AGMO: variants seen among roughly 807,000 people sequenced by gnomAD.
The protein encoded by AGMO is alkylglycerol monooxygenase, also known as glyceryl-ether monooxygenase.
A neutral mutation model predicts 60.2 loss-of-function variants in AGMO; 75 were observed. The ratio of observed to expected loss-of-function variants is 1.25; its 90% confidence interval spans 1.03 to 1.51. The LOEUF (loss-of-function observed/expected upper bound fraction) is 1.51. AGMO is among the 40% of genes most tolerant of loss of function. The probability of loss-of-function intolerance (pLI) is 0.00; values close to 1 mark genes in which losing one functional copy is unlikely to be tolerated. For synonymous variants in AGMO, 261 were observed against 177.1 expected (o/e 1.47, Z -3.76); for missense variants, 763 against 525.5 (o/e 1.45, Z -4.42).
chr7:15,347,194 A>C (rs1266912375), intron 12 of AGMO, among the ~76,000 whole-genome samples: 1 of 152,054 alleles, frequency 6.6e-6, no homozygotes, highest in Non-Finnish European at 1.5e-5. Flanking sequence ...ATTCCTGTTC[A>C]ATTGTATGCA....
At chr7:15,453,540 A>G (rs146175967) in intron 3 of AGMO, among the ~76,000 whole-genome samples, 74 of 152,356 alleles carry the variant, frequency 4.9e-4, no homozygotes, top group African/African-American at 1.8e-3. Context: ...AATTCATTCT[A>G]ACACAGAGCT....
chr7:15,205,737 T>C (rs755555986), intron 12 of AGMO, among the ~76,000 whole-genome samples: 10 of 152,124 alleles, frequency 6.6e-5, no homozygotes, highest in Non-Finnish European at 1.3e-4. Flanking sequence ...CAGCCAAATA[T>C]AGGTTTATAT....
intron 3 of AGMO, among the ~76,000 whole-genome samples, chr7:15,515,582 T>C (rs1562546604): frequency 6.6e-6 from 1 of 152,252 alleles, no homozygotes; most frequent in Non-Finnish European, 1.5e-5. Context: ...TTTTGCTGTA[T>C]ATGAATGCAT....
intron 12 of AGMO, among the ~76,000 whole-genome samples, chr7:15,235,710 G>C (rs533977210): frequency 6.6e-6 from 1 of 152,208 alleles, no homozygotes; most frequent in South Asian, 2.1e-4. Context: ...GACCTTTGGG[G>C]GCATGCAGTC....
intron 12 of AGMO, among the ~76,000 whole-genome samples, chr7:15,235,053 G>A (rs746115149): frequency 2.0e-5 from 3 of 151,982 alleles, no homozygotes; most frequent in Non-Finnish European, 4.4e-5. Context: ...AACTTCATCT[G>A]CCTTGAATGA....
At chr7:15,364,213 T>C (rs1177247607) in intron 12 of AGMO, among the ~76,000 whole-genome samples, 1 of 151,990 alleles carries the variant, frequency 6.6e-6, no homozygotes, top group Admixed American at 6.6e-5. Context: ...ATCTTCTGCT[T>C]CTTCCTTTCT....
Position 15,530,980 on chromosome 7 carries a change from GTATATTCTATATATATTCTA to G in AGMO, c.409+13772_409+13791del, listed in dbSNP as rs1157850829. Among the ~76,000 whole-genome samples, 349 of 85,228 alleles carry G rather than the reference GTATATTCTATATATATTCTA, an allele frequency of 4.1e-3. 61 individuals carry two copies. Among genetic ancestry groups the G allele is most frequent in the South Asian group, 0.011 (28 of 2,648 alleles). 55.9% of individuals were successfully genotyped at this position (85,228 alleles called of 152,430 possible). On this transcript the variant is annotated intron_variant, in intron 3 of 12. Coordinates refer to ENST00000342526, the MANE Select transcript of AGMO (RefSeq NM_001004320.2). ...TATATATTCTATATATATTCTATAT[GTATATTCTATATATATTCTA>G]TATATTCTATATATATTCTATATAT...
chr7:15,215,297 A>C (rs1425040355), intron 12 of AGMO, among the ~76,000 whole-genome samples: 2 of 152,126 alleles, frequency 1.3e-5, no homozygotes, highest in African/African-American at 4.8e-5. Flanking sequence ...TAATTGGCTA[A>C]ATTTCTCCAC....
chr7:15,294,590 A>T (rs1784361226), intron 12 of AGMO, among the ~76,000 whole-genome samples: 1 of 151,946 alleles, frequency 6.6e-6, no homozygotes. Flanking sequence ...ACTACAAAAT[A>T]TTTTCCTAAA....
At chr7:15,556,219 G>GTTTTTT (rs71004394) in intron 2 of AGMO, among the ~76,000 whole-genome samples, 14 of 91,484 alleles carry the variant, frequency 1.5e-4, no homozygotes, top group African/African-American at 5.4e-4. Context: ...CTCCTTTTTA[G>GTTTTTT]TTTTTTTTTT....
At chr7:15,199,709 T>C (rs1382376278), downstream of AGMO, among the ~76,000 whole-genome samples, 1 of 152,194 alleles carries the variant, frequency 6.6e-6, no homozygotes, top group Non-Finnish European at 1.5e-5. Context: ...GTATACAAAA[T>C]TCTGTGAAAA....
chr7:15,394,244 G>A lies in AGMO; in HGVS notation c.610-65C>T, dbSNP rs1784276282. Reference sequence around the variant, plus strand: ...ATTAAATGTGTGTTAGTATATAAATGCTCACATTAGAAACTCACATAAATT... The same window carrying A: ...ATTAAATGTGTGTTAGTATATAAATACTCACATTAGAAACTCACATAAATT... On this transcript the variant is annotated intron_variant, in intron 5 of 12. Transcript: ENST00000342526. 7 of 1,168,266 alleles carry A rather than the reference G, an allele frequency of 6.0e-6. No individual in the cohort carries two copies. The South Asian group carries it at 9.1e-5, about 15-fold the overall frequency. 72.4% of individuals were successfully genotyped at this position (1,168,266 alleles called of 1,614,324 possible).
intron 5 of AGMO, chr7:15,396,022 C>CGG (rs1784363608): frequency 2.0e-5 from 3 of 152,242 alleles, no homozygotes; most frequent in African/African-American, 7.2e-5. Context: ...CATCATCTCC[C>CGG]TATTAAGCAC....
intron 12 of AGMO, among the ~76,000 whole-genome samples, chr7:15,356,738 TG>T (rs750798320): frequency 3.3e-5 from 5 of 151,736 alleles, no homozygotes; most frequent in African/African-American, 9.7e-5. Context: ...AAATGCTATA[TG>T]AAAAAATGTG....
intron 5 of AGMO, among the ~76,000 whole-genome samples, chr7:15,406,738 T>G (rs1209493493): frequency 1.2e-5 from 1 of 80,002 alleles, no homozygotes; most frequent in African/African-American, 5.2e-5. Context: ...CACACATACA[T>G]ATGAATATAC....
the AGMO span, among the ~76,000 whole-genome samples, chr7:15,184,097 C>G: frequency 6.6e-6 from 1 of 152,028 alleles, no homozygotes; most frequent in East Asian, 1.9e-4. Context: ...TTAACAGATA[C>G]CATATACTCA....
At chr7:15,531,312 CTATACATATAT>C (rs1304201309) in intron 3 of AGMO, among the ~76,000 whole-genome samples, 1 of 91,694 alleles carries the variant, frequency 1.1e-5, no homozygotes, top group African/African-American at 4.8e-5. Flanking sequence ...TATATATATT[CTATACATATAT>C]TCTATATATA....
At chr7:15,397,663 T>G (rs1481630261) in intron 5 of AGMO, among the ~76,000 whole-genome samples, 2 of 152,222 alleles carry the variant, frequency 1.3e-5, no homozygotes, top group African/African-American at 4.8e-5. Flanking sequence ...TGGGGTGCTA[T>G]CCACTATTTT....
At chr7:15,402,605 T>A (rs1252811866) in intron 5 of AGMO, among the ~76,000 whole-genome samples, 3 of 147,594 alleles carry the variant, frequency 2.0e-5, no homozygotes, top group Non-Finnish European at 4.5e-5. Context: ...TATTTATCAT[T>A]TAATAATAAT....
Sources: gnomAD v4.1 joint callset for allele counts (sites outside exome capture counted in the v4.1 genomes callset) on GRCh38, gnomAD v4.1.1 for gene constraint, MANE v1.5 for transcripts, NCBI Gene and HGNC (gene_info 2026-07-23, HGNC 2026-07-21) for gene names.